Variants in NTRK2 observed in about 807,000 individuals in gnomAD.
NTRK2 encodes the protein BDNF/NT-3 growth factors receptor.
Under a neutral mutation model 94.5 loss-of-function variants are expected in NTRK2, and 13 were observed. That is an observed-to-expected ratio of 0.14 (90% CI 0.09 to 0.22). The LOEUF is 0.22. NTRK2 is among the 10% of genes least tolerant of loss of function. The probability of loss-of-function intolerance (pLI) is 1.00; values close to 1 mark genes in which losing one functional copy is unlikely to be tolerated. For missense variants in NTRK2, 639 were observed against 1,071.2 expected, an observed-to-expected ratio of 0.60 and a Z score of 5.63; for synonymous variants, 372 against 407.4, an observed-to-expected ratio of 0.91 and a Z score of 1.05.
chr9:84,681,444 A>G (rs910197725), intron 2 of NTRK2, among the ~76,000 whole-genome samples: 1 of 152,190 alleles, frequency 6.6e-6, no homozygotes, highest in Non-Finnish European at 1.5e-5. Flanking sequence ...GACATTATTC[A>G]ATCATTCTTT....
At chr9:84,839,136 C>CTAATGGGTATCTTTG (rs1185832132) in intron 12 of NTRK2, among the ~76,000 whole-genome samples, 7 of 152,172 alleles carry the variant, frequency 4.6e-5, no homozygotes, top group Non-Finnish European at 1.0e-4. Context: ...GGTGGTCAAC[C>CTAATGGGTATCTTTG]TAATGGGTAT....
intron 12 of NTRK2, among the ~76,000 whole-genome samples, chr9:84,800,487 C>T (rs2070288274): frequency 6.6e-6 from 1 of 152,196 alleles, no homozygotes; most frequent in Admixed American, 6.5e-5. Flanking sequence ...AGATGTGGGC[C>T]ACCGTGCCTG....
chr9:84,810,825 A>G (rs1319080596), intron 12 of NTRK2: 15 of 1,352,350 alleles, frequency 1.1e-5, no homozygotes, highest in Non-Finnish European at 1.4e-5. Context: ...TCAAGAAAAC[A>G]TGTTAAATTA....
chr9:84,895,550 G>A (rs975808745), intron 14 of NTRK2, among the ~76,000 whole-genome samples: 2 of 152,188 alleles, frequency 1.3e-5, no homozygotes, highest in Admixed American at 6.5e-5. Flanking sequence ...TGGCTGTGGG[G>A]CTCCTTTAGC....
At chr9:84,891,707 A>T (rs2076600315) in intron 14 of NTRK2, among the ~76,000 whole-genome samples, 1 of 152,216 alleles carries the variant, frequency 6.6e-6, no homozygotes. Context: ...TGCATGTATG[A>T]CTGAATCCCA....
chr9:84,689,441 T>A (rs1224735624), intron 2 of NTRK2, among the ~76,000 whole-genome samples: 1 of 152,238 alleles, frequency 6.6e-6, no homozygotes, highest in Non-Finnish European at 1.5e-5. Context: ...TCTTTGATGG[T>A]CCTGGTCTAT....
intron 12 of NTRK2, among the ~76,000 whole-genome samples, chr9:84,772,144 C>A (rs1410604020): frequency 1.3e-5 from 2 of 152,170 alleles, no homozygotes; most frequent in African/African-American, 4.8e-5. Context: ...TACTGCCCAG[C>A]AAATATTTGG....
Position 85,021,671 on chromosome 9 carries a change from G to T in NTRK2, c.*234G>T. On this transcript the variant is annotated 3_prime_UTR_variant, in exon 19 of 19. Coordinates refer to ENST00000277120, the MANE Select transcript of NTRK2 (RefSeq NM_006180.6). Reference sequence around the variant, plus strand: ...TTCTCTCTTTCCATCTCCCTTGGTTGTTCCTTTTTCTTTTTTTAAATTTTC... The same window carrying T: ...TTCTCTCTTTCCATCTCCCTTGGTTTTTCCTTTTTCTTTTTTTAAATTTTC... 26 of 542,540 alleles carry T rather than the reference G, an allele frequency of 4.8e-5. No individual in the cohort carries two copies. The highest frequency in any genetic ancestry group is 4.8e-4 in the Middle Eastern group (1 of 2,078). The allele number at this position is 542,540 out of a possible 1,614,324, so 33.6% of individuals were successfully genotyped here.
intron 12 of NTRK2, among the ~76,000 whole-genome samples, chr9:84,770,269 A>G (rs138434265): frequency 6.6e-6 from 1 of 151,894 alleles, no homozygotes; most frequent in Non-Finnish European, 1.5e-5. Flanking sequence ...GGTTTTGCTG[A>G]TGAGTGGTGA....
At chr9:84,896,986 G>A (rs1272347955) in intron 14 of NTRK2, among the ~76,000 whole-genome samples, 1 of 152,156 alleles carries the variant, frequency 6.6e-6, no homozygotes, top group Non-Finnish European at 1.5e-5. Context: ...TGGAATCATA[G>A]CCCTGCTCTG....
At chr9:84,970,207 G>A (rs369772030) in intron 17 of NTRK2, among the ~76,000 whole-genome samples, 1 of 151,930 alleles carries the variant, frequency 6.6e-6, no homozygotes, top group East Asian at 1.9e-4. Flanking sequence ...GACCAGCCTG[G>A]TCAACATGGC....
chr9:84,868,666 G>C (rs968540421), intron 14 of NTRK2, among the ~76,000 whole-genome samples: 3 of 152,154 alleles, frequency 2.0e-5, no homozygotes, highest in African/African-American at 4.8e-5. Flanking sequence ...TACTGTCATT[G>C]TGGTGTGAAC....
At chr9:84,861,550 C>T (rs780518730) in intron 13 of NTRK2, among the ~76,000 whole-genome samples, 9 of 152,186 alleles carry the variant, frequency 5.9e-5, no homozygotes, top group East Asian at 1.9e-4. Flanking sequence ...CAGATTCTAA[C>T]GTCCAGACGC....
intron 15 of NTRK2, among the ~76,000 whole-genome samples, chr9:84,942,016 A>G (rs1004738643): frequency 5.9e-5 from 9 of 152,206 alleles, no homozygotes; most frequent in African/African-American, 2.2e-4. Flanking sequence ...AATCTTGTAT[A>G]TGAGGTTGTC....
At chr9:84,731,806 A>ACCAAGATC (rs918766619) in intron 9 of NTRK2, among the ~76,000 whole-genome samples, 16 of 152,136 alleles carry the variant, frequency 1.1e-4, no homozygotes, top group African/African-American at 3.6e-4. Flanking sequence ...GGCCCAGCAA[A>ACCAAGATC]CCAAGATCCC....
At chr9:84,682,597 T>C (rs528595668) in intron 2 of NTRK2, among the ~76,000 whole-genome samples, 1 of 152,214 alleles carries the variant, frequency 6.6e-6, no homozygotes, top group African/African-American at 2.4e-5. Context: ...AAATTCGACC[T>C]CGAGAGCCCA....
intron 14 of NTRK2, chr9:84,872,444 C>A: frequency 9.3e-7 from 1 of 1,075,310 alleles, no homozygotes; most frequent in Non-Finnish European, 1.1e-6. Flanking sequence ...TTCCCTAGAG[C>A]AGCCTTGTAA....
intron 14 of NTRK2, among the ~76,000 whole-genome samples, chr9:84,902,198 A>C (rs2076950160): frequency 6.6e-6 from 1 of 151,946 alleles, no homozygotes; most frequent in Admixed American, 6.6e-5. Flanking sequence ...TCTGTCTAAA[A>C]AAAAAAAAAT....
intron 17 of NTRK2, among the ~76,000 whole-genome samples, chr9:84,968,079 A>G (rs1163078443): frequency 4.6e-5 from 7 of 152,116 alleles, no homozygotes; most frequent in African/African-American, 1.4e-4. Context: ...GCCTCCTTTT[A>G]TGTCTCAGCT....
Sources: allele counts gnomAD v4.1 joint callset (sites outside exome capture counted in the v4.1 genomes callset), GRCh38; gene constraint gnomAD v4.1.1; transcripts MANE v1.5; gene names NCBI Gene and HGNC (gene_info 2026-07-23, HGNC 2026-07-21).